The following DDX10 variants were observed in gnomAD, a reference collection of about 807,000 sequenced individuals.
The protein encoded by DDX10 is DEAD-box helicase 10.
Under a neutral mutation model 104.3 loss-of-function variants are expected in DDX10, and 74 were observed. The observed-to-expected ratio is 0.71, with a 90% CI of 0.59 to 0.86. The LOEUF is 0.86. Among genes scored for constraint, DDX10 ranks in the 40% least tolerant of loss-of-function variants. DDX10 has a pLI of 0.00. For missense variants in DDX10, 952 were observed against 1,040.0 expected, an observed-to-expected ratio of 0.92 and a Z score of 1.16; for synonymous variants, 351 against 353.4, an observed-to-expected ratio of 0.99 and a Z score of 0.08.
At chr11:108,822,948 T>TA (rs2134579297) in intron 13 of DDX10, among the ~76,000 whole-genome samples, 1 of 152,290 alleles carries the variant, frequency 6.6e-6, no homozygotes, top group South Asian at 2.1e-4. Flanking sequence ...GGTGTCAAGG[T>TA]AGGAGCACAG....
At chr11:108,830,008 C>A (rs1862447273) in intron 13 of DDX10, among the ~76,000 whole-genome samples, 1 of 152,030 alleles carries the variant, frequency 6.6e-6, no homozygotes, top group African/African-American at 2.4e-5. Flanking sequence ...TGCCTCCAGA[C>A]CTGTTCTTTT....
intron 13 of DDX10, among the ~76,000 whole-genome samples, chr11:108,747,599 G>A (rs2094333410): frequency 6.6e-6 from 1 of 152,068 alleles, no homozygotes; most frequent in African/African-American, 2.4e-5. Flanking sequence ...TTTAATTTCT[G>A]TGGAACTTGT....
chr11:108,789,718 G>A (rs1483055759), intron 13 of DDX10, among the ~76,000 whole-genome samples: 1 of 152,110 alleles, frequency 6.6e-6, no homozygotes, highest in East Asian at 1.9e-4. Context: ...TTCACTGCAG[G>A]TAACAGAAAA....
intron 13 of DDX10, among the ~76,000 whole-genome samples, chr11:108,832,386 A>T (rs1862485104): frequency 6.6e-6 from 1 of 152,212 alleles, no homozygotes; most frequent in African/African-American, 2.4e-5. Context: ...AAATAACAAG[A>T]TTACCTTGTA....
At chr11:108,825,091 T>C (rs1454232733) in intron 13 of DDX10, among the ~76,000 whole-genome samples, 1 of 152,180 alleles carries the variant, frequency 6.6e-6, no homozygotes, top group Admixed American at 6.5e-5. Flanking sequence ...GAAATTTACA[T>C]GTTATCTAGA....
At position 108,675,596 on chromosome 11, in the gene DDX10, G is replaced by A; in HGVS notation, c.248G>A (p.Gly83Asp). Residue 83 changes from glycine (G) to aspartate (D), a missense_variant and splice_region_variant, in exon 3 of 18, where the codon GGT (glycine) becomes GAT (aspartate). Gly to Asp is a moderately conservative substitution (Grantham distance 94). This residue lies in a region of DDX10 where 412 missense variants were observed against 479.2 expected (regional missense o/e 0.86). Transcript: ENST00000322536. ...ATAATTCTTCCCTCCATGTTGCCAGGTTTGCAAGAAGCTCAGTACCGTTTG... is the reference window on the plus strand; with the variant it reads ...ATAATTCTTCCCTCCATGTTGCCAGATTTGCAAGAAGCTCAGTACCGTTTG... ...DFPLSKKTLK[G>D]LQEAQYRLVT... is the part of the protein sequence containing the mutation. The A allele has an allele frequency of 6.2e-7, 1 of 1,613,496 alleles. No individual in the cohort carries two copies. Among genetic ancestry groups the A allele is most frequent in the Non-Finnish European group, 8.5e-7 (1 of 1,179,776 alleles).
chr11:108,866,783 A>C (rs564350369), intron 16 of DDX10, among the ~76,000 whole-genome samples: 1 of 152,332 alleles, frequency 6.6e-6, no homozygotes, highest in South Asian at 2.1e-4. Context: ...GGGCTTAAGT[A>C]AATTAAATGT....
intron 10 of DDX10, among the ~76,000 whole-genome samples, chr11:108,713,448 C>T (rs1591798524): frequency 6.6e-6 from 1 of 152,034 alleles, no homozygotes; most frequent in Non-Finnish European, 1.5e-5. Context: ...AGTAATGAAC[C>T]CATCAAAGGT....
intron 13 of DDX10, among the ~76,000 whole-genome samples, chr11:108,787,083 T>G (rs927774063): frequency 2.6e-5 from 4 of 152,190 alleles, no homozygotes; most frequent in African/African-American, 9.7e-5. Context: ...AAGCATTTTA[T>G]TTTGCCTTCA....
intron 13 of DDX10, among the ~76,000 whole-genome samples, chr11:108,805,724 G>A (rs542067164): frequency 5.1e-4 from 77 of 152,102 alleles, no homozygotes; most frequent in Non-Finnish European, 9.0e-4. Context: ...AAATTTCTTG[G>A]GGTCTTGCTT....
chr11:108,817,823 A>G (rs538063087), intron 13 of DDX10, among the ~76,000 whole-genome samples: 39 of 152,336 alleles, frequency 2.6e-4, no homozygotes, highest in Admixed American at 2.3e-3. Flanking sequence ...GAAACTTAAT[A>G]TGCGGCTCAT....
intron 16 of DDX10, among the ~76,000 whole-genome samples, chr11:108,910,065 G>A (rs555857247): frequency 2.0e-5 from 3 of 148,610 alleles, no homozygotes; most frequent in African/African-American, 7.5e-5. Context: ...GGCAGCTGGC[G>A]CAATATTCTA....
At chr11:108,693,016 A>G (rs560311394) in intron 8 of DDX10, among the ~76,000 whole-genome samples, 1 of 152,304 alleles carries the variant, frequency 6.6e-6, no homozygotes, top group East Asian at 1.9e-4. Flanking sequence ...CATCTACATT[A>G]GGTATTTCTC....
At chr11:108,689,084 T>G (rs755247734) in intron 7 of DDX10, 22 bp downstream of exon 7, 1 of 1,612,426 alleles carries the variant, frequency 6.2e-7, no homozygotes, top group South Asian at 1.1e-5. Context: ...TTATTTTGCT[T>G]TCTGAACGTA....
intron 15 of DDX10, among the ~76,000 whole-genome samples, chr11:108,850,389 G>T (rs1313343945): frequency 6.6e-6 from 1 of 152,088 alleles, no homozygotes; most frequent in Non-Finnish European, 1.5e-5. Context: ...ACCCCAGCAT[G>T]GTTATGTTTG....
intron 14 of DDX10, among the ~76,000 whole-genome samples, chr11:108,839,965 G>A (rs1045171412): frequency 2.6e-5 from 4 of 152,128 alleles, no homozygotes; most frequent in Non-Finnish European, 5.9e-5. Flanking sequence ...ACTATAAAAT[G>A]TTTCAATGTG....
At chr11:108,915,729 C>A (rs1298436065) in intron 16 of DDX10, among the ~76,000 whole-genome samples, 1 of 151,976 alleles carries the variant, frequency 6.6e-6, no homozygotes, top group Non-Finnish European at 1.5e-5. Flanking sequence ...TTTTAAGAAG[C>A]TATTACACAT....
chr11:108,751,595 T>A (rs1251804992), intron 13 of DDX10, among the ~76,000 whole-genome samples: 1 of 152,164 alleles, frequency 6.6e-6, no homozygotes, highest in Non-Finnish European at 1.5e-5. Flanking sequence ...CTGTAGACAT[T>A]ATCAGACTGC....
intron 16 of DDX10, among the ~76,000 whole-genome samples, chr11:108,905,240 A>G (rs1565314551): frequency 6.8e-6 from 1 of 146,872 alleles, no homozygotes; most frequent in Non-Finnish European, 1.5e-5. Flanking sequence ...AAGATCTTTT[A>G]GAGTTTTAAA....
Sources: gnomAD v4.1 joint callset for allele counts (sites outside exome capture counted in the v4.1 genomes callset) on GRCh38, gnomAD v4.1.1 for gene constraint, gnomAD v4.1.1 regional missense constraint, MANE v1.5 for transcripts, NCBI Gene and HGNC (gene_info 2026-07-23, HGNC 2026-07-21) for gene names.